BRWD3: variants seen among roughly 807,000 people sequenced by gnomAD.
The protein encoded by BRWD3 is bromodomain and WD repeat-containing protein 3.
A neutral mutation model predicts 149.7 loss-of-function variants in BRWD3; 10 were observed. That is an observed-to-expected ratio of 0.07 (90% CI 0.04 to 0.11). The LOEUF is 0.11. Among genes scored for constraint, BRWD3 ranks in the 10% least tolerant of loss-of-function variants. The probability of loss-of-function intolerance (pLI) is 1.00; values close to 1 mark genes in which losing one functional copy is unlikely to be tolerated. For synonymous variants in BRWD3, 504 were observed against 456.7 expected (o/e 1.10, Z -1.32); for missense variants, 940 against 1,373.2 (o/e 0.68, Z 4.99).
At chrX:80,726,556 G>C (rs2073251650) in intron 14 of BRWD3, among the ~76,000 whole-genome samples, 1 of 110,372 alleles carries the variant, frequency 9.1e-6, no homozygotes, top group Admixed American at 9.7e-5. Context: ...TCCTGAAGCT[G>C]CACTTATCTT....
chrX:80,791,820 C>G (rs1024043888), intron 6 of BRWD3, 34 bp downstream of exon 6: 2 of 1,045,920 alleles, frequency 1.9e-6, no homozygotes, highest in Admixed American at 2.2e-5. Flanking sequence ...AAAGAATCAA[C>G]AATCTGTTTA....
intron 9 of BRWD3, 113 bp from the exon 10 acceptor site, chrX:80,735,310 A>T: frequency 3.3e-6 from 2 of 601,737 alleles, no homozygotes; most frequent in South Asian, 4.9e-5. Flanking sequence ...AGAAAAAACA[A>T]AAGGAACGTG....
intron 6 of BRWD3, among the ~76,000 whole-genome samples, chrX:80,749,295 C>T (rs745962293): frequency 1.8e-5 from 2 of 111,179 alleles, no homozygotes; most frequent in Non-Finnish European, 3.8e-5. Context: ...TATTGTATTG[C>T]AGTTGCAGTG....
At chrX:80,805,740 C>A (rs1456179514) in intron 4 of BRWD3, among the ~76,000 whole-genome samples, 1 of 111,672 alleles carries the variant, frequency 9.0e-6, no homozygotes, top group Non-Finnish European at 1.9e-5. Flanking sequence ...TCGAGACCAT[C>A]CTGGCCAACA....
chrX:80,757,603 C>T (rs889297050), intron 6 of BRWD3, among the ~76,000 whole-genome samples: 3 of 111,956 alleles, frequency 2.7e-5, no homozygotes, highest in African/African-American at 6.5e-5. Context: ...TATTTGAATA[C>T]AAAATATTCT....
intron 20 of BRWD3, chrX:80,709,997 G>A (rs2072936612): frequency 8.7e-7 from 1 of 1,143,930 alleles, no homozygotes; most frequent in African/African-American, 1.8e-5. Flanking sequence ...TGCAATGGAA[G>A]CTGTTAAACA....
At chrX:80,758,597 A>C (rs908822753) in intron 6 of BRWD3, among the ~76,000 whole-genome samples, 4 of 110,899 alleles carry the variant, frequency 3.6e-5, no homozygotes, top group Non-Finnish European at 7.6e-5. Flanking sequence ...ATTGAACTTT[A>C]TCTCTCTCTG....
chrX:80,746,954 A>G (rs191816278), intron 6 of BRWD3: 1 of 362,363 alleles, frequency 2.8e-6, no homozygotes, highest in East Asian at 2.1e-4. Context: ...TAGAACACAT[A>G]AGAGACCTGA....
chrX:80,742,950 G>GA (rs748859969), intron 8 of BRWD3, among the ~76,000 whole-genome samples: 1 of 111,676 alleles, frequency 9.0e-6, no homozygotes, highest in Admixed American at 9.5e-5. Flanking sequence ...GGAGTGGTGA[G>GA]AGAGGGTATC....
In BRWD3 at chrX:80,744,163, T is replaced by C; in HGVS notation, c.682A>G (p.Met228Val). ...AGAGTGTTTTCATAGTTAACAGCCA[T>C]GTCAGAAATTTCAGCAGAGTGTCCA... ...LRGHSAEISDMAVNYENTLIA... is the reference protein window; with the variant it reads ...LRGHSAEISDVAVNYENTLIA... Residue 228 changes from methionine (M) to valine (V), a missense_variant, in exon 8 of 41, where the codon ATG becomes GTG. Met to Val is a conservative substitution (Grantham distance 21). Around this residue, in one of 6 missense-constraint regions of BRWD3, gnomAD observed 209 missense variants for 396.8 expected, o/e 0.53. Transcript: ENST00000373275. 3 of 1,211,280 alleles carry C rather than the reference T, an allele frequency of 2.5e-6. No individual in the cohort carries two copies. Among genetic ancestry groups the C allele is most frequent in the East Asian group, 3.0e-5 (1 of 33,829 alleles).
At position 80,694,855 on chromosome X, in the gene BRWD3, G is replaced by A. The variant is rs2072661167; in HGVS notation, c.3151+1053C>T. 2.7e-5 allele frequency among the ~76,000 whole-genome samples: 3 copies of A among 111,105 alleles called. No individual in the cohort carries two copies. In the South Asian group the frequency reaches 1.2e-3, roughly 43 times the overall value. Reference sequence around the variant, plus strand: ...CTTGCCTTGTCTCAGATGATACTTTGGACATGGACTTTTGAGTTAATGCTG... The same window carrying A: ...CTTGCCTTGTCTCAGATGATACTTTAGACATGGACTTTTGAGTTAATGCTG... On this transcript the variant is annotated intron_variant, in intron 27 of 40. Transcript: ENST00000373275.
chrX:80,703,684 GAGA>G (rs2072822670), intron 23 of BRWD3, 91 bp from the exon 24 acceptor site: 1 of 629,093 alleles, frequency 1.6e-6, no homozygotes. Context: ...ATAGTAGGTA[GAGA>G]AGATTAAAAA....
chrX:80,791,959 A>G lies in BRWD3; in HGVS notation c.332-7T>C. 1 of 1,150,659 alleles carries G rather than the reference A, an allele frequency of 8.7e-7. No homozygotes were observed. The highest frequency in any genetic ancestry group is 1.9e-5 in the South Asian group (1 of 53,514). 94.8% of individuals were successfully genotyped at this position (1,150,659 alleles called of 1,213,427 possible). A position where few individuals can be genotyped will look rare whatever the true frequency, so the allele number is the denominator to read the frequency against. ...CATAGTGTACTCTTACAGTCTATATAAAAAGAACAAAGGTTGCTAAGGAAT... is the reference window on the plus strand; with the variant it reads ...CATAGTGTACTCTTACAGTCTATATGAAAAGAACAAAGGTTGCTAAGGAAT... On this transcript the variant is annotated splice_polypyrimidine_tract_variant and splice_region_variant and intron_variant, in intron 5 of 40. Coordinates refer to ENST00000373275, the MANE Select transcript of BRWD3 (RefSeq NM_153252.5).
rs1157858272 is a variant in BRWD3 at position 80,674,193 on chromosome X, C to G, written c.*2416G>C. 1.8e-5 allele frequency: 2 copies of G among 111,704 alleles called. No individual in the cohort carries two copies. The highest frequency in any genetic ancestry group is 3.8e-5 in the Non-Finnish European group (2 of 53,007). 9.2% of individuals were successfully genotyped at this position (111,704 alleles called of 1,213,427 possible). On this transcript the variant is annotated 3_prime_UTR_variant, in exon 41 of 41. Coordinates refer to ENST00000373275, the MANE Select transcript of BRWD3 (RefSeq NM_153252.5). Reference sequence around the variant, plus strand: ...AAACATTACAGCAAAATGCTGTTCACTAATATTTTCACAGTATTTCACTAC... The same window carrying G: ...AAACATTACAGCAAAATGCTGTTCAGTAATATTTTCACAGTATTTCACTAC...
intron 15 of BRWD3, 40 bp from the exon 16 acceptor site, chrX:80,723,916 T>G (rs1342966682): frequency 8.5e-7 from 1 of 1,182,054 alleles, no homozygotes; most frequent in Non-Finnish European, 1.1e-6. Context: ...TAAGAGTAAT[T>G]TTCAAATAAT....
chrX:80,687,779 A>G (rs1411939871), intron 34 of BRWD3, among the ~76,000 whole-genome samples: 1 of 109,977 alleles, frequency 9.1e-6, no homozygotes, highest in Non-Finnish European at 1.9e-5. Flanking sequence ...CTCTAATCAC[A>G]CACATGCTGG....
chrX:80,806,106 G>A (rs1276816558), intron 4 of BRWD3, among the ~76,000 whole-genome samples: 1 of 111,485 alleles, frequency 9.0e-6, no homozygotes, highest in Non-Finnish European at 1.9e-5. Flanking sequence ...CTACACTTCT[G>A]TTCAAATTAT....
chrX:80,776,735 G>A (rs952517429), intron 6 of BRWD3, among the ~76,000 whole-genome samples: 3 of 110,915 alleles, frequency 2.7e-5, no homozygotes, highest in Non-Finnish European at 3.8e-5. Flanking sequence ...CAATGTCCCC[G>A]GACCCGCTTT....
intron 40 of BRWD3, among the ~76,000 whole-genome samples, chrX:80,681,029 C>T (rs1016016964): frequency 2.9e-4 from 27 of 92,300 alleles, no homozygotes; most frequent in African/African-American, 1.0e-3. Context: ...AGGTTGATCT[C>T]GATCTCCTGG....
Sources: gnomAD v4.1 joint callset for allele counts (sites outside exome capture counted in the v4.1 genomes callset) on GRCh38, gnomAD v4.1.1 for gene constraint, gnomAD v4.1.1 regional missense constraint, MANE v1.5 for transcripts, NCBI Gene and HGNC (gene_info 2026-07-23, HGNC 2026-07-21) for gene names.